CREBL2: variants seen among roughly 807,000 people sequenced by gnomAD.
CREBL2 encodes cAMP-responsive element-binding protein-like 2.
A neutral mutation model predicts 19.5 loss-of-function variants in CREBL2; 4 were observed. That is an observed-to-expected ratio of 0.20 (90% confidence interval 0.10 to 0.47). The LOEUF is 0.47. Ranked by LOEUF, CREBL2 falls within the 20% of genes least tolerant of loss-of-function variation. The probability of loss-of-function intolerance (pLI) is 0.98; values close to 1 mark genes in which losing one functional copy is unlikely to be tolerated. For missense variants in CREBL2, 85 were observed against 145.1 expected, an observed-to-expected ratio of 0.59 and a Z score of 2.13; for synonymous variants, 42 against 46.6, an observed-to-expected ratio of 0.90 and a Z score of 0.40.
At chr12:12,621,618 G>A (rs536418692) in intron 1 of CREBL2, among the ~76,000 whole-genome samples, 1 of 151,892 alleles carries the variant, frequency 6.6e-6, no homozygotes, top group Non-Finnish European at 1.5e-5. Flanking sequence ...TAAAGCAGAA[G>A]TAGAGGTGTG....
At chr12:12,630,749 T>C (rs925364468) in intron 1 of CREBL2, among the ~76,000 whole-genome samples, 5 of 152,216 alleles carry the variant, frequency 3.3e-5, no homozygotes, top group African/African-American at 1.2e-4. Context: ...TTCCGCTCCC[T>C]CTGAGGAATG....
At chr12:12,616,063 G>T (rs1171737925) in intron 1 of CREBL2, among the ~76,000 whole-genome samples, 3 of 152,104 alleles carry the variant, frequency 2.0e-5, no homozygotes, top group African/African-American at 7.2e-5. Flanking sequence ...CTAATGTTAT[G>T]GGTATTTAAG....
intron 3 of CREBL2, 96 bp from the exon 4 acceptor site, chr12:12,641,898 C>T (rs972852232): frequency 1.4e-5 from 10 of 714,706 alleles, no homozygotes; most frequent in Non-Finnish European, 2.2e-5. Context: ...ACTGAAGATA[C>T]TAAACTGAAA....
At chr12:12,630,389 A>G (rs746896766) in intron 1 of CREBL2, among the ~76,000 whole-genome samples, 17 of 151,834 alleles carry the variant, frequency 1.1e-4, no homozygotes, top group Non-Finnish European at 1.9e-4. Context: ...TTTGGCATGC[A>G]ATTTTTCCTA....
intron 1 of CREBL2, among the ~76,000 whole-genome samples, chr12:12,634,113 A>C (rs941768044): frequency 6.6e-6 from 1 of 152,230 alleles, no homozygotes; most frequent in African/African-American, 2.4e-5. Flanking sequence ...AAAACTTATA[A>C]AAACAGGCTC....
At chr12:12,619,037 G>GA (rs1221662254) in intron 1 of CREBL2, among the ~76,000 whole-genome samples, 18 of 152,230 alleles carry the variant, frequency 1.2e-4, no homozygotes, top group Admixed American at 4.6e-4. Flanking sequence ...TGGAAAGTGG[G>GA]AGACGGGAGA....
In CREBL2 at chr12:12,644,141, G is replaced by C. The variant is rs1945546735; in HGVS notation, c.*2143G>C. On this transcript the variant is annotated 3_prime_UTR_variant, in exon 4 of 4. Coordinates refer to ENST00000228865, the MANE Select transcript of CREBL2 (RefSeq NM_001310.4). ...ACAGGAGCAGGGAAGAGCAGTAGAGGATGTATAATTTTGGGCGAAGTTAAA... is the reference window on the plus strand; with the variant it reads ...ACAGGAGCAGGGAAGAGCAGTAGAGCATGTATAATTTTGGGCGAAGTTAAA... 6.6e-6 allele frequency: 1 copy of C among 152,568 alleles called. No homozygotes were observed. Among genetic ancestry groups the C allele is most frequent in the Non-Finnish European group, 1.5e-5 (1 of 68,042 alleles). The allele number at this position is 152,568 out of a possible 1,614,324, so 9.5% of individuals were successfully genotyped here. A position where few individuals can be genotyped will look rare whatever the true frequency, so the allele number is the denominator to read the frequency against.
chr12:12,621,523 CAAAAAAA>C (rs61201510), intron 1 of CREBL2, among the ~76,000 whole-genome samples: 1 of 64,888 alleles, frequency 1.5e-5, no homozygotes. Flanking sequence ...CGTCTCAAAC[CAAAAAAA>C]AAAAAAAAAA....
chr12:12,614,849 G>C (rs1945297118), intron 1 of CREBL2: 1 of 299,482 alleles, frequency 3.3e-6, no homozygotes, highest in East Asian at 9.9e-5. Flanking sequence ...AAGATTTGTA[G>C]GGCATTAGTT....
At chr12:12,626,683 C>A (rs1486694127) in intron 1 of CREBL2, among the ~76,000 whole-genome samples, 2 of 152,032 alleles carry the variant, frequency 1.3e-5, no homozygotes, top group African/African-American at 4.8e-5. Context: ...ACAGTTCTAT[C>A]ACTCCAAGAA....
chr12:12,643,637 T>C lies in CREBL2; in HGVS notation c.*1639T>C, dbSNP rs1010402725. The C allele has an allele frequency of 6.6e-6, 1 of 150,616 alleles. No homozygotes were observed. The highest frequency in any genetic ancestry group is 2.5e-5 in the African/African-American group (1 of 40,780). 9.3% of individuals were successfully genotyped at this position (150,616 alleles called of 1,614,324 possible). A position where few individuals can be genotyped will look rare whatever the true frequency, so the allele number is the denominator to read the frequency against. ...TTAGCCTGAGCTCCTAAAGACCTCT[T>C]GTACTTGGTTGCAAACTCAGATCTC... On this transcript the variant is annotated 3_prime_UTR_variant, in exon 4 of 4. Transcript: ENST00000228865.
intron 3 of CREBL2, among the ~76,000 whole-genome samples, chr12:12,640,857 A>G (rs1231648081): frequency 6.6e-6 from 1 of 152,084 alleles, no homozygotes; most frequent in African/African-American, 2.4e-5. Flanking sequence ...GTGTTCTTTG[A>G]TACACAAAAT....
intron 1 of CREBL2, among the ~76,000 whole-genome samples, chr12:12,618,021 G>T (rs1478694720): frequency 1.3e-5 from 2 of 152,100 alleles, no homozygotes; most frequent in Non-Finnish European, 1.5e-5. Context: ...CAAGGCAGAA[G>T]AATTCTTCTT....
intron 2 of CREBL2, among the ~76,000 whole-genome samples, chr12:12,636,580 C>T (rs982787840): frequency 8.6e-5 from 13 of 151,998 alleles, no homozygotes; most frequent in Non-Finnish European, 2.9e-5. Flanking sequence ...TCACCATGCC[C>T]GGCTAATTTT....
In CREBL2 at chr12:12,643,805, G is replaced by C. The variant is rs1209074700; in HGVS notation, c.*1807G>C. The C allele has an allele frequency of 6.6e-6, 1 of 152,410 alleles. No homozygotes were observed. Among genetic ancestry groups the C allele is most frequent in the East Asian group, 1.9e-4 (1 of 5,200 alleles). 9.4% of individuals were successfully genotyped at this position (152,410 alleles called of 1,614,324 possible). ...TTTTTAGGATCATAAACATAAATAG[G>C]TTTGTTGATATTCAGGCCTTCAGAA... On this transcript the variant is annotated 3_prime_UTR_variant, in exon 4 of 4. Coordinates refer to ENST00000228865, the MANE Select transcript of CREBL2 (RefSeq NM_001310.4).
chr12:12,623,316 A>G (rs1945375326), intron 1 of CREBL2, among the ~76,000 whole-genome samples: 1 of 152,076 alleles, frequency 6.6e-6, no homozygotes, highest in African/African-American at 2.4e-5. Context: ...AGCTCAGACT[A>G]CTTGGGGAGA....
chr12:12,616,904 A>G (rs1244324921), intron 1 of CREBL2, among the ~76,000 whole-genome samples: 1 of 152,212 alleles, frequency 6.6e-6, no homozygotes, highest in Non-Finnish European at 1.5e-5. Flanking sequence ...CAACAGGAAG[A>G]AGACAGAGTA....
chr12:12,639,650 A>G (rs1409984232), intron 3 of CREBL2, among the ~76,000 whole-genome samples: 1 of 152,110 alleles, frequency 6.6e-6, no homozygotes, highest in Non-Finnish European at 1.5e-5. Flanking sequence ...TTTGTTGTTG[A>G]GTGGTAACAG....
intron 1 of CREBL2, among the ~76,000 whole-genome samples, chr12:12,617,640 A>T (rs1288069448): frequency 1.2e-4 from 2 of 16,496 alleles, no homozygotes; most frequent in Admixed American, 8.2e-4. Context: ...CATTTTAGTA[A>T]TTCTTTTTTT....
Sources: allele counts gnomAD v4.1 joint callset (sites outside exome capture counted in the v4.1 genomes callset), GRCh38; gene constraint gnomAD v4.1.1; transcripts MANE v1.5; gene names NCBI Gene and HGNC (gene_info 2026-07-23, HGNC 2026-07-21).